CHAT: variants seen among roughly 807,000 people sequenced by gnomAD.
CHAT encodes the protein acetyl CoA:choline O-acetyltransferase.
CHAT carries 61 observed loss-of-function variants against 76.9 expected under a neutral mutation model. That is an observed-to-expected ratio of 0.79 (90% CI 0.65 to 0.98). The LOEUF is 0.98. CHAT is among the 50% of genes least tolerant of loss of function. The pLI, the probability that CHAT is intolerant of heterozygous loss-of-function variation, is 0.00. For synonymous variants in CHAT, 407 were observed against 397.4 expected, an observed-to-expected ratio of 1.02 and a Z score of -0.29; for missense variants, 946 against 986.9, an observed-to-expected ratio of 0.96 and a Z score of 0.56.
In CHAT at chr10:49,627,712, T is replaced by C. The variant is rs367961073; in HGVS notation, c.1038T>C (p.Arg346=). ...AAATGGCTTCCAACGAGGACGAGCG[T>C]TTGCCTCCAATTGGCCTGCTGACGT... ...IVKMASNEDE[R]LPPIGLLTSD... Residue 346 remains arginine, a synonymous_variant, in exon 7 of 15, where the codon CGT becomes CGC. Coordinates refer to ENST00000337653, the MANE Select transcript of CHAT (RefSeq NM_020549.5). The C allele has an allele frequency of 1.3e-4, 203 of 1,614,022 alleles. 1 individual carries two copies. The highest frequency in any genetic ancestry group is 1.6e-4 in the Non-Finnish European group (193 of 1,179,984).
At chr10:49,664,417 T>C (rs1283950631) in intron 14 of CHAT, among the ~76,000 whole-genome samples, 1 of 152,112 alleles carries the variant, frequency 6.6e-6, no homozygotes, top group African/African-American at 2.4e-5. Context: ...CATCTAACTA[T>C]GGGGTGCCAC....
intron 7 of CHAT, among the ~76,000 whole-genome samples, chr10:49,641,287 CA>C (rs1178062522): frequency 6.6e-6 from 1 of 152,208 alleles, no homozygotes; most frequent in Admixed American, 6.5e-5. Flanking sequence ...CCGTAATACC[CA>C]GAGAATCTGC....
chr10:49,659,269 T>C (rs897931779), intron 13 of CHAT, among the ~76,000 whole-genome samples: 3 of 152,214 alleles, frequency 2.0e-5, no homozygotes, highest in African/African-American at 7.2e-5. Context: ...GCATCAAAGA[T>C]ATTTTTAGAC....
chr10:49,621,423 T>C (rs1838703505), intron 4 of CHAT, among the ~76,000 whole-genome samples: 1 of 152,150 alleles, frequency 6.6e-6, no homozygotes, highest in Admixed American at 6.5e-5. Flanking sequence ...GTTCTCACAA[T>C]TGCATCTGAG....
intron 2 of CHAT, among the ~76,000 whole-genome samples, chr10:49,618,647 A>G (rs944513613): frequency 4.6e-5 from 7 of 152,206 alleles, no homozygotes; most frequent in Non-Finnish European, 8.8e-5. Context: ...TTCCTCATTC[A>G]TAAATGGGAA....
chr10:49,638,360 A>T (rs1393487771), intron 7 of CHAT, among the ~76,000 whole-genome samples: 1 of 152,224 alleles, frequency 6.6e-6, no homozygotes, highest in Non-Finnish European at 1.5e-5. Context: ...TAGACAGCAT[A>T]TAGCTGGGTA....
At position 49,622,272 on chromosome 10, in the gene CHAT, T is replaced by C. The variant is rs146282968; in HGVS notation, c.752+122T>C. The C allele has an allele frequency of 8.6e-4, 923 of 1,074,560 alleles. 12 individuals carry two copies. In the East Asian group the frequency reaches 0.02, roughly 23 times the overall value. The allele number at this position is 1,074,560 out of a possible 1,614,324, so 66.6% of individuals were successfully genotyped here. ...TTCCTGGCTCCTGGCACAGAGCAGA[T>C]GTCCCTGCCCCAACCCACTCCCCCA... is the stretch of plus-strand genomic sequence containing the variant. On this transcript the variant is annotated intron_variant, in intron 5 of 14. Coordinates refer to ENST00000337653, the MANE Select transcript of CHAT (RefSeq NM_020549.5).
intron 13 of CHAT, among the ~76,000 whole-genome samples, chr10:49,656,949 C>G (rs1840053972): frequency 6.6e-6 from 1 of 152,030 alleles, no homozygotes. Context: ...CTGTCACTCT[C>G]TCTGAAACCC....
rs375424189 is a variant in CHAT at position 49,649,584 on chromosome 10, T to A, written c.1459T>A (p.Cys487Ser). ...CGCCCCCCGGAGGCTGCGGTGGAAA[T>A]GCTCCCCGGAAATTCAAGGCCACTT... ...LPAPRRLRWK[C>S]SPEIQGHLAS... Residue 487 changes from cysteine (C) to serine (S), a missense_variant, in exon 10 of 15, where the codon TGC (cysteine) becomes AGC (serine). By Grantham distance (112) the Cys-to-Ser change is moderately radical. Around this residue, in one of 3 missense-constraint regions of CHAT, gnomAD observed 349 missense variants for 393.9 expected, o/e 0.89. Coordinates refer to ENST00000337653, the MANE Select transcript of CHAT (RefSeq NM_020549.5). 6.2e-7 allele frequency: 1 copy of A among 1,613,848 alleles called. No homozygotes were observed. Among genetic ancestry groups the A allele is most frequent in the Non-Finnish European group, 8.5e-7 (1 of 1,180,024 alleles).
intron 6 of CHAT, among the ~76,000 whole-genome samples, chr10:49,626,715 A>G (rs1301987673): frequency 1.3e-5 from 2 of 152,218 alleles, no homozygotes; most frequent in Admixed American, 1.3e-4. Flanking sequence ...CAGGCCATAC[A>G]GACACTGCTA....
rs139495993 is a variant in CHAT, at chr10:49,642,518, G to A, written c.1112-3987G>A. 9.3e-4 allele frequency among the ~76,000 whole-genome samples: 142 copies of A among 152,330 alleles called. 1 individual carries two copies. Among genetic ancestry groups the A allele is most frequent in the African/African-American group, 2.8e-3 (117 of 41,562 alleles). ...CCTCACAATCTGCCTCCCCTGCCTG[G>A]AGGTGACAAGGGCAGTGATGCCCAG... On this transcript the variant is annotated intron_variant, in intron 7 of 14. Coordinates refer to ENST00000337653, the MANE Select transcript of CHAT (RefSeq NM_020549.5).
intron 14 of CHAT, 93 bp from the exon 15 acceptor site, chr10:49,664,684 A>C: frequency 6.7e-7 from 1 of 1,497,448 alleles, no homozygotes; most frequent in Non-Finnish European, 9.3e-7. Context: ...AATTCAGTCA[A>C]ACCCCCAGGT....
intron 2 of CHAT, 76 bp downstream of exon 2, chr10:49,616,678 T>C: frequency 1.9e-6 from 2 of 1,041,222 alleles, no homozygotes; most frequent in Admixed American, 2.0e-5. Context: ...CAGTCCTGAG[T>C]GGGACTGGCC....
intron 7 of CHAT, among the ~76,000 whole-genome samples, chr10:49,634,249 G>A (rs542892482): frequency 2.6e-5 from 4 of 152,316 alleles, no homozygotes; most frequent in Non-Finnish European, 5.9e-5. Flanking sequence ...CCTGGGGCCT[G>A]GGCTTCCTAG....
chr10:49,619,612 C>T, intron 2 of CHAT, 113 bp from the exon 3 acceptor site: 1 of 1,062,830 alleles, frequency 9.4e-7, no homozygotes, highest in Non-Finnish European at 1.4e-6. Context: ...TGGAGGGGTC[C>T]CAGGGTAGAG....
chr10:49,615,687 C>T (rs1203285700), intron 1 of CHAT: 1 of 316,812 alleles, frequency 3.2e-6, no homozygotes, highest in East Asian at 5.7e-5. Context: ...GCAATTGTGA[C>T]CCACAGCCTA....
intron 12 of CHAT, 54 bp from the exon 13 acceptor site, chr10:49,655,332 T>C: frequency 6.2e-7 from 1 of 1,613,080 alleles, no homozygotes; most frequent in Non-Finnish European, 8.5e-7. Flanking sequence ...CACCAGATGC[T>C]TTGGCTCCAA....
rs1838378815 is a variant in CHAT, at chr10:49,614,109, G to T, written c.-81G>T. On this transcript the variant is annotated 5_prime_UTR_variant, in exon 1 of 15. Coordinates refer to ENST00000337653, the MANE Select transcript of CHAT (RefSeq NM_020549.5). ...CCCCCTTCTAGAGCCTAAATTTGTT[G>T]CCCGAGTTCCTCCGGGAAGCGCTCC... The T allele has an allele frequency of 6.5e-7, 1 of 1,544,726 alleles. No individual in the cohort carries two copies. Among genetic ancestry groups the T allele is most frequent in the African/African-American group, 1.4e-5 (1 of 72,892 alleles).
intron 8 of CHAT, among the ~76,000 whole-genome samples, chr10:49,647,381 G>A (rs1235021975): frequency 6.6e-6 from 1 of 152,140 alleles, no homozygotes; most frequent in Non-Finnish European, 1.5e-5. Context: ...CCTGAACCTA[G>A]TCTTGTTTAT....
Sources: allele counts gnomAD v4.1 joint callset (sites outside exome capture counted in the v4.1 genomes callset), GRCh38; gene constraint gnomAD v4.1.1; regional missense constraint gnomAD v4.1.1; transcripts MANE v1.5; gene names NCBI Gene and HGNC (gene_info 2026-07-23, HGNC 2026-07-21).